ACTN4: variants seen among roughly 807,000 people sequenced by gnomAD.
ACTN4 encodes the protein actinin alpha 4, also known as alpha-actinin-4.
ACTN4 carries 18 observed loss-of-function variants against 114.2 expected under a neutral mutation model. The observed-to-expected ratio is 0.16, with a 90% CI of 0.11 to 0.23. The LOEUF is 0.23. Among genes scored for constraint, ACTN4 ranks in the 10% least tolerant of loss-of-function variants. The probability of loss-of-function intolerance (pLI) is 1.00; values close to 1 mark genes in which losing one functional copy is unlikely to be tolerated. For missense variants in ACTN4, 722 were observed against 1,262.9 expected, an observed-to-expected ratio of 0.57 and a Z score of 6.49; for synonymous variants, 515 against 506.3, an observed-to-expected ratio of 1.02 and a Z score of -0.23.
At chr19:38,651,119 G>T (rs183628763) in intron 1 of ACTN4, among the ~76,000 whole-genome samples, 224 of 152,340 alleles carry the variant, frequency 1.5e-3, no homozygotes, top group African/African-American at 5.0e-3. Flanking sequence ...CACTGGGCAC[G>T]GGAAGAATGA....
chr19:38,651,981 G>C (rs1976576635), intron 1 of ACTN4, among the ~76,000 whole-genome samples: 1 of 152,088 alleles, frequency 6.6e-6, no homozygotes, highest in Non-Finnish European at 1.5e-5. Flanking sequence ...TGATCCGCCT[G>C]CCTCGGCCTC....
At chr19:38,716,201 G>C (rs2145058246) in intron 9 of ACTN4, among the ~76,000 whole-genome samples, 1 of 152,308 alleles carries the variant, frequency 6.6e-6, no homozygotes, top group Non-Finnish European at 1.5e-5. Context: ...CAGCGTGCCT[G>C]GCCTAGAATT....
chr19:38,718,816 C>G (rs2145069049), intron 11 of ACTN4, among the ~76,000 whole-genome samples: 1 of 152,352 alleles, frequency 6.6e-6, no homozygotes, highest in African/African-American at 2.4e-5. Context: ...TTCCCTCTCC[C>G]ACACCTCTGT....
intron 5 of ACTN4, among the ~76,000 whole-genome samples, chr19:38,706,882 C>T (rs1474878105): frequency 1.3e-5 from 2 of 152,238 alleles, no homozygotes; most frequent in Non-Finnish European, 2.9e-5. Context: ...GACATGTCCA[C>T]CATCCCCGTA....
At chr19:38,650,347 G>A (rs1234656731) in intron 1 of ACTN4, among the ~76,000 whole-genome samples, 3 of 152,052 alleles carry the variant, frequency 2.0e-5, no homozygotes, top group Non-Finnish European at 4.4e-5. Flanking sequence ...GTGAGGCTGG[G>A]GCACCATTCA....
chr19:38,672,043 G>T (rs1181589518), intron 1 of ACTN4, among the ~76,000 whole-genome samples: 1 of 152,078 alleles, frequency 6.6e-6, no homozygotes, highest in Non-Finnish European at 1.5e-5. Context: ...GAGCTGGGCA[G>T]CGTAGACTTC....
chr19:38,667,807 G>GT (rs1967010266), intron 1 of ACTN4, among the ~76,000 whole-genome samples: 1 of 151,922 alleles, frequency 6.6e-6, no homozygotes, highest in African/African-American at 2.4e-5. Flanking sequence ...CGTCTGGAGC[G>GT]TCCCTGAAAA....
intron 16 of ACTN4, among the ~76,000 whole-genome samples, chr19:38,725,492 T>G (rs1259899714): frequency 2.6e-5 from 4 of 152,224 alleles, no homozygotes; most frequent in African/African-American, 9.6e-5. Context: ...CAGGGAGCGC[T>G]TGGCAGAGAA....
intron 6 of ACTN4, 143 bp downstream of exon 6, chr19:38,708,338 T>C (rs1160624328): frequency 4.4e-6 from 4 of 901,656 alleles, no homozygotes; most frequent in Non-Finnish European, 7.1e-6. Flanking sequence ...GAGAGCCTTG[T>C]GCAGGCTCTC....
At chr19:38,662,488 C>T (rs1300754192) in intron 1 of ACTN4, among the ~76,000 whole-genome samples, 5 of 152,284 alleles carry the variant, frequency 3.3e-5, no homozygotes, top group South Asian at 2.1e-4. Flanking sequence ...AAGAAGATGG[C>T]GAGGTTTCCA....
intron 3 of ACTN4, among the ~76,000 whole-genome samples, chr19:38,702,541 G>A (rs1968314767): frequency 6.6e-6 from 1 of 152,218 alleles, no homozygotes; most frequent in African/African-American, 2.4e-5. Context: ...AGCTGCACCT[G>A]TACTTGCTGA....
Position 38,730,995 on chromosome 19 carries a change from AC to A in ACTN4, c.*1568del. The A allele has an allele frequency of 6.4e-7, 1 of 1,551,312 alleles. No individual in the cohort carries two copies. Among genetic ancestry groups the A allele is most frequent in the East Asian group, 2.4e-5 (1 of 40,986 alleles). ...TGTGGGTCAGGCAGATGACCCCCTCACCCCCATCCAGGTGCTGGCTGCAGTG... is the reference window on the plus strand; with the variant it reads ...TGTGGGTCAGGCAGATGACCCCCTCACCCCATCCAGGTGCTGGCTGCAGTG... On this transcript the variant is annotated 3_prime_UTR_variant, in exon 21 of 21. Coordinates refer to ENST00000252699, the MANE Select transcript of ACTN4 (RefSeq NM_004924.6).
Position 38,727,636 on chromosome 19 carries a change from C to CG in ACTN4, c.2338-310_2338-309insG, listed in dbSNP as rs1277677666. ...CCCAAAGGCAAGGAGAACCCCCCCC[C>CG]CGACCCTCCACCAGTCCTGGGACTT... On this transcript the variant is annotated intron_variant, in intron 18 of 20. Coordinates refer to ENST00000252699, the MANE Select transcript of ACTN4 (RefSeq NM_004924.6). The surrounding 1 kb of genome is among the most constrained non-coding windows in gnomAD (Gnocchi z 5.4). Among the ~76,000 whole-genome samples, 198 of 141,378 alleles carry CG rather than the reference C, an allele frequency of 1.4e-3. 2 individuals are homozygous for CG. The highest frequency in any genetic ancestry group is 4.8e-3 in the African/African-American group (184 of 38,288). The allele number at this position is 141,378 out of a possible 152,430, so 92.7% of individuals were successfully genotyped here.
At chr19:38,708,633 A>C (rs1968540898) in intron 6 of ACTN4, among the ~76,000 whole-genome samples, 1 of 152,220 alleles carries the variant, frequency 6.6e-6, no homozygotes, top group African/African-American at 2.4e-5. Flanking sequence ...TGGCCACCAG[A>C]AGCTGCCAGC....
intron 1 of ACTN4, among the ~76,000 whole-genome samples, chr19:38,650,634 T>C (rs2144814860): frequency 6.6e-6 from 1 of 152,310 alleles, no homozygotes; most frequent in Middle Eastern, 3.4e-3. Flanking sequence ...GGGGTAGGGA[T>C]TCTTTTTGAA....
At chr19:38,701,264 A>T in intron 3 of ACTN4, 143 bp downstream of exon 3, 1 of 1,381,320 alleles carries the variant, frequency 7.2e-7, no homozygotes, top group African/African-American at 1.4e-5. Flanking sequence ...CTCAGCAGTG[A>T]TCACAACAAC....
intron 1 of ACTN4, among the ~76,000 whole-genome samples, chr19:38,679,444 G>A (rs747862976): frequency 1.3e-5 from 2 of 152,096 alleles, no homozygotes; most frequent in Non-Finnish European, 2.9e-5. Context: ...AAAGTGGTGG[G>A]ACTCCTTTGT....
At chr19:38,698,021 A>C (rs984903602) in intron 1 of ACTN4, among the ~76,000 whole-genome samples, 20 of 152,206 alleles carry the variant, frequency 1.3e-4, no homozygotes, top group Non-Finnish European at 2.9e-4. Flanking sequence ...GAGAAAGCTC[A>C]TGTGCATGCA....
At chr19:38,720,637 G>T in intron 11 of ACTN4, among the ~76,000 whole-genome samples, 1 of 152,216 alleles carries the variant, frequency 6.6e-6, no homozygotes, top group East Asian at 1.9e-4. Context: ...TGCTGTGCTC[G>T]AACACCACCT....
Sources: allele counts gnomAD v4.1 joint callset (sites outside exome capture counted in the v4.1 genomes callset), GRCh38; gene constraint gnomAD v4.1.1; non-coding constraint Gnocchi (gnomAD v3.1); transcripts MANE v1.5; gene names NCBI Gene and HGNC (gene_info 2026-07-23, HGNC 2026-07-21).